The following CNTF variants were observed in gnomAD, a reference collection of about 807,000 sequenced individuals.
CNTF encodes ciliary neurotrophic factor, also known as Ciliary Neuronotrophic Factor.
In CNTF, 14 loss-of-function variants were observed where a neutral mutation model predicts 13.0. The observed-to-expected ratio is 1.07, with a 90% CI of 0.71 to 1.68. The LOEUF (loss-of-function observed/expected upper bound fraction) is 1.68. CNTF is among the 40% of genes most tolerant of loss of function. The probability of loss-of-function intolerance (pLI) is 0.00; values close to 1 mark genes in which losing one functional copy is unlikely to be tolerated. For missense variants in CNTF, 283 were observed against 252.5 expected, an observed-to-expected ratio of 1.12 and a Z score of -0.82; for synonymous variants, 98 against 92.4, an observed-to-expected ratio of 1.06 and a Z score of -0.35.
At chr11:58,623,684 C>A (rs1015048181) in intron 1 of CNTF, among the ~76,000 whole-genome samples, 1 of 152,118 alleles carries the variant, frequency 6.6e-6, no homozygotes, top group African/African-American at 2.4e-5. Flanking sequence ...GTGTCTTTTA[C>A]AAGTATGTTT....
chr11:58,624,036 G>A lies in CNTF; in HGVS notation c.117G>A (p.Val39=). 1 of 1,612,216 alleles carries A rather than the reference G, an allele frequency of 6.2e-7. No individual in the cohort carries two copies. Among genetic ancestry groups the A allele is most frequent in the Non-Finnish European group, 8.5e-7 (1 of 1,179,124 alleles). ...TGTTTTCCTGTATCCTCGGCCAGGT[G>A]AAGCATCAGGGCCTGAACAAGAACA... ...SDLTALTESY[V]KHQGLNKNIN... is the part of the protein sequence containing the mutation. The change falls in exon 2 of 2, where the codon GTG becomes GTA. Residue 39 remains valine, a splice_region_variant and synonymous_variant. Coordinates refer to ENST00000361987, the MANE Select transcript of CNTF (RefSeq NM_000614.4).
chr11:58,622,814 T>C lies in CNTF; in HGVS notation c.62T>C (p.Ile21Thr). Reference sequence around the variant, plus strand: ...CGTCGGGACCTCTGTAGCCGCTCTATCTGGCTAGCAAGGAAGATTCGTTCA... The same window carrying C: ...CGTCGGGACCTCTGTAGCCGCTCTACCTGGCTAGCAAGGAAGATTCGTTCA... Reference protein sequence around the residue: ...PHRRDLCSRSIWLARKIRSDL... With the variant: ...PHRRDLCSRSTWLARKIRSDL... The change falls in exon 1 of 2, where the codon ATC becomes ACC. Residue 21 changes from isoleucine (I) to threonine (T), a missense_variant. By Grantham distance (89) the Ile-to-Thr change is moderately conservative. Transcript: ENST00000361987. 6.2e-7 allele frequency: 1 copy of C among 1,614,094 alleles called. No individual in the cohort carries two copies. The highest frequency in any genetic ancestry group is 1.3e-5 in the African/African-American group (1 of 75,048).
At chr11:58,624,002 A>G in intron 1 of CNTF, 32 bp from the exon 2 acceptor site, 2 of 1,606,920 alleles carry the variant, frequency 1.2e-6, no homozygotes, top group Non-Finnish European at 1.7e-6. Context: ...GTGATGACAG[A>G]AGATGTGGTG....
rs981476885 is a variant in CNTF, at chr11:58,625,053, G to A, written c.*531G>A. ...GGTCTTTATGTATATTATGTACAGC[G>A]TTTACAACCTTGTGAGCAAGGTGGT... is the stretch of plus-strand genomic sequence containing the variant. On this transcript the variant is annotated 3_prime_UTR_variant, in exon 2 of 2. Transcript: ENST00000361987. 10 of 154,998 alleles carry A rather than the reference G, an allele frequency of 6.5e-5. No homozygotes were observed. Among genetic ancestry groups the A allele is most frequent in the African/African-American group, 2.4e-4 (10 of 41,440 alleles). The allele number at this position is 154,998 out of a possible 1,614,324, so 9.6% of individuals were successfully genotyped here.
At position 58,624,506 on chromosome 11, in the gene CNTF, A is replaced by C; in HGVS notation, c.587A>C (p.Asn196Thr). The C allele has an allele frequency of 6.2e-7, 1 of 1,613,998 alleles. No individual in the cohort carries two copies. The highest frequency in any genetic ancestry group is 8.5e-7 in the Non-Finnish European group (1 of 1,179,960). The part of the protein sequence containing the change: ...IPARGSHYIA[N>T]NKKM ...GCACGTGGGAGCCATTATATTGCTA[A>C]CAACAAGAAAATGTAGCAGTTAGTC... The change falls in exon 2 of 2, where the codon AAC becomes ACC. Residue 196 changes from asparagine (N) to threonine (T), a missense_variant. By Grantham distance (65) the Asn-to-Thr change is moderately conservative. Transcript: ENST00000361987.
At position 58,624,540 on chromosome 11, in the gene CNTF, C is replaced by G. The variant is rs561819925; in HGVS notation, c.*18C>G. On this transcript the variant is annotated 3_prime_UTR_variant, in exon 2 of 2. Coordinates refer to ENST00000361987, the MANE Select transcript of CNTF (RefSeq NM_000614.4). ...AAATGTAGCAGTTAGTCCCTTCTCT[C>G]TTCCTTGCTTTCTCTTCTAATGGAA... 5.6e-6 allele frequency: 9 copies of G among 1,612,030 alleles called. No homozygotes were observed. Among genetic ancestry groups the G allele is most frequent in the African/African-American group, 1.3e-5 (1 of 75,032 alleles).
Position 58,624,250 on chromosome 11 carries a change from A to G in CNTF, c.331A>G (p.Thr111Ala), listed in dbSNP as rs991556510. 3.7e-6 allele frequency: 6 copies of G among 1,613,802 alleles called. No homozygotes were observed. Among genetic ancestry groups the G allele is most frequent in the Non-Finnish European group, 5.1e-6 (6 of 1,179,956 alleles). Residue 111 changes from threonine to alanine, a missense_variant, in exon 2 of 2, where the codon ACC (threonine) becomes GCC (alanine). Physicochemically the swap from Thr to Ala is moderately conservative, Grantham distance 58. Transcript: ENST00000361987. ...AGGTGACTTCCATCAAGCTATACAT[A>G]CCCTTCTTCTCCAAGTCGCTGCCTT... ...TEGDFHQAIHTLLLQVAAFAY... is the reference protein window; with the variant it reads ...TEGDFHQAIHALLLQVAAFAY...
chr11:58,625,089 T>G lies in CNTF; in HGVS notation c.*567T>G, dbSNP rs1590637948. ...TGTGAGCAAGGTGGTGTTACTCCCA[T>G]TAGGTAGATGAGAAAACAGGCTCAC... On this transcript the variant is annotated 3_prime_UTR_variant, in exon 2 of 2. Transcript: ENST00000361987. 1 of 153,416 alleles carries G rather than the reference T, an allele frequency of 6.5e-6. No individual in the cohort carries two copies. 9.5% of individuals were successfully genotyped at this position (153,416 alleles called of 1,614,324 possible).
Position 58,624,159 on chromosome 11 carries a change from T to C in CNTF, c.240T>C (p.Tyr80=). ...GACTCCAAGAGAACCTTCAAGCTTA[T>C]CGTACCTTCCATGTTTTGTTGGCCA... is the stretch of plus-strand genomic sequence containing the variant. ...AERLQENLQA[Y]RTFHVLLARL... The change falls in exon 2 of 2, where the codon TAT becomes TAC. Residue 80 remains tyrosine (Y), a synonymous_variant. Transcript: ENST00000361987. 6.2e-7 allele frequency: 1 copy of C among 1,614,054 alleles called. No individual in the cohort carries two copies. Among genetic ancestry groups the C allele is most frequent in the South Asian group, 1.1e-5 (1 of 91,070 alleles).
chr11:58,624,216 C>G lies in CNTF; in HGVS notation c.297C>G (p.Thr99=), dbSNP rs1855895309. The G allele has an allele frequency of 6.2e-7, 1 of 1,613,778 alleles. No homozygotes were observed. The highest frequency in any genetic ancestry group is 8.5e-7 in the Non-Finnish European group (1 of 1,180,000). Residue 99 remains threonine (T), a synonymous_variant, in exon 2 of 2, where the codon ACC becomes ACG. Coordinates refer to ENST00000361987, the MANE Select transcript of CNTF (RefSeq NM_000614.4). ...TAGAAGACCAGCAGGTGCATTTTAC[C>G]CCAACCGAAGGTGACTTCCATCAAG... ...RLLEDQQVHF[T]PTEGDFHQAI...
In CNTF at chr11:58,624,388, T is replaced by C; in HGVS notation, c.469T>C (p.Trp157Arg). The C allele has an allele frequency of 6.2e-7, 1 of 1,613,984 alleles. No homozygotes were observed. The highest frequency in any genetic ancestry group is 8.5e-7 in the Non-Finnish European group (1 of 1,179,964). ...TGGTGGTCTCTTTGAGAAGAAGCTG[T>C]GGGGCCTAAAGGTGCTGCAGGAGCT... ...GDGGLFEKKL[W>R]GLKVLQELSQ... The change falls in exon 2 of 2, where the codon TGG (tryptophan) becomes CGG (arginine). Residue 157 changes from tryptophan (W) to arginine (R), a missense_variant. Physicochemically the swap from Trp to Arg is moderately radical, Grantham distance 101. Coordinates refer to ENST00000361987, the MANE Select transcript of CNTF (RefSeq NM_000614.4).
rs1855901967 is a variant in CNTF, at chr11:58,624,493, C to T, written c.574C>T (p.His192Tyr). The T allele has an allele frequency of 6.2e-7, 1 of 1,613,864 alleles. No homozygotes were observed. The highest frequency in any genetic ancestry group is 1.7e-5 in the Admixed American group (1 of 59,978). The change falls in exon 2 of 2, where the codon CAT becomes TAT. Residue 192 changes from histidine (H) to tyrosine (Y), a missense_variant. His to Tyr is a moderately conservative substitution (Grantham distance 83, BLOSUM62 2). Transcript: ENST00000361987. ...GACTGGGATCCCAGCACGTGGGAGC[C>T]ATTATATTGCTAACAACAAGAAAAT... ...HQTGIPARGS[H>Y]YIANNKKM
In CNTF at chr11:58,624,626, A is replaced by G. The variant is rs1855904954; in HGVS notation, c.*104A>G. On this transcript the variant is annotated 3_prime_UTR_variant, in exon 2 of 2. Coordinates refer to ENST00000361987, the MANE Select transcript of CNTF (RefSeq NM_000614.4). ...TAAATTTCTAAAAACAGTTAAGACA[A>G]CAGGCATTTTCTTTCTTTTTTCTCT... 5.0e-6 allele frequency: 7 copies of G among 1,404,466 alleles called. No individual in the cohort carries two copies. Among genetic ancestry groups the G allele is most frequent in the Non-Finnish European group, 6.9e-6 (7 of 1,013,284 alleles). The allele number at this position is 1,404,466 out of a possible 1,614,324, so 87.0% of individuals were successfully genotyped here.
At chr11:58,622,916 C>G (rs1406855319) in intron 1 of CNTF, 50 bp downstream of exon 1, 2 of 1,305,320 alleles carry the variant, frequency 1.5e-6, no homozygotes, top group South Asian at 2.5e-5. Context: ...CTTTTTTGAT[C>G]CAGCAACTTA....
chr11:58,624,872 A>G lies in CNTF; in HGVS notation c.*350A>G, dbSNP rs1304618179. 1.1e-5 allele frequency: 3 copies of G among 273,428 alleles called. No homozygotes were observed. The highest frequency in any genetic ancestry group is 2.1e-5 in the Non-Finnish European group (3 of 141,010). The allele number at this position is 273,428 out of a possible 1,614,324, so 16.9% of individuals were successfully genotyped here. On this transcript the variant is annotated 3_prime_UTR_variant, in exon 2 of 2. Coordinates refer to ENST00000361987, the MANE Select transcript of CNTF (RefSeq NM_000614.4). ...ACCTCTACAGGCATTTAACTGCCTT[A>G]CAGACAGAATATACATATGTTAATT...
intron 1 of CNTF, 118 bp downstream of exon 1, chr11:58,622,984 A>G (rs1565030697): frequency 7.8e-6 from 6 of 773,228 alleles, no homozygotes; most frequent in South Asian, 1.5e-5. Context: ...AGTCATTCAT[A>G]TAGGTTATTT....
rs145399601 is a variant in CNTF at position 58,625,284 on chromosome 11, G to T, written c.*762G>T. On this transcript the variant is annotated 3_prime_UTR_variant, in exon 2 of 2. Transcript: ENST00000361987. ...TGCATCCATGTAATCTATTCCCATC[G>T]CTGGAAAACAGCTGCTGTTAGATGT... 1 of 152,302 alleles carries T rather than the reference G, an allele frequency of 6.6e-6. No individual in the cohort carries two copies. Among genetic ancestry groups the T allele is most frequent in the Non-Finnish European group, 1.5e-5 (1 of 68,024 alleles). The allele number at this position is 152,302 out of a possible 1,614,324, so 9.4% of individuals were successfully genotyped here. A position where few individuals can be genotyped will look rare whatever the true frequency, so the allele number is the denominator to read the frequency against.
rs756012052 is a variant in CNTF at position 58,624,432 on chromosome 11, G to A, written c.513G>A (p.Arg171=). ...AGGAGCTTTCACAGTGGACAGTAAGGTCCATCCATGACCTTCGTTTCATTT... is the reference window on the plus strand; with the variant it reads ...AGGAGCTTTCACAGTGGACAGTAAGATCCATCCATGACCTTCGTTTCATTT... ...VLQELSQWTV[R]SIHDLRFISS... Residue 171 remains arginine, a synonymous_variant, in exon 2 of 2, where the codon AGG becomes AGA. Transcript: ENST00000361987. 5 of 1,613,988 alleles carry A rather than the reference G, an allele frequency of 3.1e-6. No individual in the cohort carries two copies. The highest frequency in any genetic ancestry group is 2.2e-5 in the South Asian group (2 of 91,050).
rs1297557070 is a variant in CNTF at position 58,625,464 on chromosome 11, T to TA, written c.*943dup. The TA allele has an allele frequency of 1.3e-5, 2 of 152,180 alleles. No homozygotes were observed. The highest frequency in any genetic ancestry group is 2.4e-5 in the African/African-American group (1 of 41,468). The allele number at this position is 152,180 out of a possible 1,614,324, so 9.4% of individuals were successfully genotyped here. On this transcript the variant is annotated 3_prime_UTR_variant, in exon 2 of 2. Transcript: ENST00000361987. ...TTTGGAAGCTGGGGATGTTTAGTAA[T>TA]ACAGCCTGGTTTTTAAGTACTCACT...
Sources: allele counts gnomAD v4.1 joint callset (sites outside exome capture counted in the v4.1 genomes callset), GRCh38; gene constraint gnomAD v4.1.1; transcripts MANE v1.5; gene names NCBI Gene and HGNC (gene_info 2026-07-23, HGNC 2026-07-21).